MAD1L1: variants seen among roughly 807,000 people sequenced by gnomAD.
MAD1L1 encodes the protein mitotic arrest deficient 1 like 1.
Under a neutral mutation model 96.9 loss-of-function variants are expected in MAD1L1, and 95 were observed. That is an observed-to-expected ratio of 0.98 (90% CI 0.83 to 1.16). MAD1L1 has a LOEUF of 1.16. Ranked by LOEUF, MAD1L1 falls within the 50% of genes most tolerant of loss-of-function variation. MAD1L1 has a pLI of 0.00. For synonymous variants in MAD1L1, 473 were observed against 396.6 expected (o/e 1.19, Z -2.29); for missense variants, 1,007 against 954.4 (o/e 1.06, Z -0.73).
At chr7:2,149,665 C>T (rs1007772546) in intron 10 of MAD1L1, among the ~76,000 whole-genome samples, 4 of 152,202 alleles carry the variant, frequency 2.6e-5, no homozygotes, top group South Asian at 2.1e-4. Context: ...CCAGGTGTAG[C>T]GCTTTCTACT....
intron 18 of MAD1L1, among the ~76,000 whole-genome samples, chr7:1,851,332 G>T (rs1041141695): frequency 6.6e-6 from 1 of 152,226 alleles, no homozygotes; most frequent in Non-Finnish European, 1.5e-5. Flanking sequence ...TGGAGAAGGT[G>T]GGGGAGGGTG....
At chr7:2,123,235 G>T (rs1031471784) in intron 11 of MAD1L1, among the ~76,000 whole-genome samples, 5 of 151,014 alleles carry the variant, frequency 3.3e-5, no homozygotes, top group Non-Finnish European at 7.4e-5. Flanking sequence ...AACCCGGAAA[G>T]CGGAGCTTGC....
intron 17 of MAD1L1, among the ~76,000 whole-genome samples, chr7:1,901,252 T>C (rs140665829): frequency 1.3e-5 from 2 of 152,270 alleles, no homozygotes; most frequent in East Asian, 3.9e-4. Flanking sequence ...ATTCACACGA[T>C]GGTTTGGATT....
intron 7 of MAD1L1, among the ~76,000 whole-genome samples, chr7:2,217,146 G>T (rs1390971867): frequency 6.6e-6 from 1 of 152,236 alleles, no homozygotes; most frequent in Non-Finnish European, 1.5e-5. Flanking sequence ...AGCAGCACGT[G>T]TGACAGCTCA....
intron 11 of MAD1L1, among the ~76,000 whole-genome samples, chr7:2,124,396 G>C (rs1362034230): frequency 1.3e-5 from 2 of 152,242 alleles, no homozygotes; most frequent in African/African-American, 4.8e-5. Context: ...CCGAAAGGAA[G>C]AGCAGGCTCC....
intron 10 of MAD1L1, among the ~76,000 whole-genome samples, chr7:2,191,194 C>G (rs1365362260): frequency 6.6e-6 from 1 of 152,148 alleles, no homozygotes; most frequent in African/African-American, 2.4e-5. Context: ...GATTCCATTC[C>G]CACATAATTC....
chr7:1,940,367 G>C (rs1778892050), intron 16 of MAD1L1: 1 of 152,276 alleles, frequency 6.6e-6, no homozygotes, highest in African/African-American at 2.4e-5. Context: ...CTGAATCACA[G>C]ACTCTTGGGG....
At chr7:2,018,757 C>A (rs1370031584) in intron 12 of MAD1L1, among the ~76,000 whole-genome samples, 1 of 152,208 alleles carries the variant, frequency 6.6e-6, no homozygotes, top group Non-Finnish European at 1.5e-5. Context: ...TCCTCCCTCA[C>A]CCAGCCTCCG....
intron 10 of MAD1L1, among the ~76,000 whole-genome samples, chr7:2,182,705 C>A (rs1316073473): frequency 2.0e-5 from 3 of 152,144 alleles, no homozygotes; most frequent in African/African-American, 7.2e-5. Context: ...AGCGCCAGCA[C>A]AGAGGCCACC....
intron 18 of MAD1L1, among the ~76,000 whole-genome samples, chr7:1,818,010 C>T (rs1781916839): frequency 1.3e-5 from 2 of 151,992 alleles, no homozygotes; most frequent in Non-Finnish European, 2.9e-5. Context: ...GTTTCTGCTG[C>T]CTTAGTACAT....
At chr7:1,917,950 C>T (rs1455241395) in intron 17 of MAD1L1, among the ~76,000 whole-genome samples, 1 of 152,172 alleles carries the variant, frequency 6.6e-6, no homozygotes, top group Non-Finnish European at 1.5e-5. Flanking sequence ...TCAGGCCCCA[C>T]CCTGTGGTTC....
intron 11 of MAD1L1, among the ~76,000 whole-genome samples, chr7:2,113,401 G>A (rs899272633): frequency 4.6e-5 from 7 of 152,102 alleles, no homozygotes; most frequent in African/African-American, 7.2e-5. Flanking sequence ...CTAACATGGC[G>A]AAACCCCCTC....
chr7:1,975,910 G>A (rs550555713), intron 15 of MAD1L1, among the ~76,000 whole-genome samples: 2 of 152,314 alleles, frequency 1.3e-5, no homozygotes, highest in Middle Eastern at 3.4e-3. Flanking sequence ...GAATTAGCAA[G>A]CGTCTAACCA....
chr7:1,850,742 C>A (rs148114157), intron 18 of MAD1L1, among the ~76,000 whole-genome samples: 75 of 152,340 alleles, frequency 4.9e-4, no homozygotes, highest in African/African-American at 1.7e-3. Context: ...CCCCTGCATA[C>A]TGGCCCTGCC....
At chr7:2,072,649 A>G (rs1785189156) in intron 11 of MAD1L1, among the ~76,000 whole-genome samples, 1 of 152,252 alleles carries the variant, frequency 6.6e-6, no homozygotes, top group African/African-American at 2.4e-5. Flanking sequence ...TCATTTAACT[A>G]GAAGAACGCC....
chr7:1,868,382 C>T (rs1359224349), intron 18 of MAD1L1, among the ~76,000 whole-genome samples: 1 of 152,192 alleles, frequency 6.6e-6, no homozygotes, highest in Non-Finnish European at 1.5e-5. Flanking sequence ...GCACACACCA[C>T]GCTTCCCGGG....
intron 18 of MAD1L1, among the ~76,000 whole-genome samples, chr7:1,885,702 C>T (rs1206813556): frequency 6.6e-6 from 1 of 152,208 alleles, no homozygotes; most frequent in African/African-American, 2.4e-5. Flanking sequence ...CACCTGGCCC[C>T]GTGGCTCTGA....
chr7:2,221,055 C>T (rs367782915), intron 5 of MAD1L1: 245 of 1,603,252 alleles, frequency 1.5e-4, no homozygotes, highest in Non-Finnish European at 1.9e-4. Flanking sequence ...AGGCCTAGTG[C>T]GCAGGGAGGG....
intron 18 of MAD1L1, among the ~76,000 whole-genome samples, chr7:1,850,220 C>T (rs1222260815): frequency 2.0e-5 from 3 of 152,160 alleles, no homozygotes; most frequent in African/African-American, 4.8e-5. Flanking sequence ...TCTGGGGCAA[C>T]AGGACGGAAC....
Sources: allele counts gnomAD v4.1 joint callset (sites outside exome capture counted in the v4.1 genomes callset), GRCh38; gene constraint gnomAD v4.1.1; transcripts MANE v1.5; gene names NCBI Gene and HGNC (gene_info 2026-07-23, HGNC 2026-07-21).